The following TLE2 variants were observed in gnomAD, a reference collection of about 807,000 sequenced individuals.
TLE2 encodes TLE family member 2, transcriptional corepressor, also known as transducin-like enhancer protein 2.
TLE2 carries 74 observed loss-of-function variants against 97.2 expected under a neutral mutation model. That is an observed-to-expected ratio of 0.76 (90% CI 0.63 to 0.92). The LOEUF (loss-of-function observed/expected upper bound fraction) is 0.92, where lower values mean the gene tolerates loss of function less well. Among genes scored for constraint, TLE2 ranks in the 40% least tolerant of loss-of-function variants. The pLI is 0.00. For synonymous variants in TLE2, 499 were observed against 432.1 expected, an observed-to-expected ratio of 1.15 and a Z score of -1.92; for missense variants, 1,038 against 1,008.7, an observed-to-expected ratio of 1.03 and a Z score of -0.39.
At chr19:3,015,055 T>G (rs2089673248) in intron 9 of TLE2, among the ~76,000 whole-genome samples, 1 of 51,294 alleles carries the variant, frequency 1.9e-5, no homozygotes, top group Non-Finnish European at 3.7e-5. Flanking sequence ...TAAAATTCAT[T>G]GCCAAAAAAA....
At chr19:3,030,595 A>G (rs555754833), upstream of TLE2, among the ~76,000 whole-genome samples, 7 of 151,948 alleles carry the variant, frequency 4.6e-5, 1 homozygote, top group South Asian at 1.3e-3. Flanking sequence ...GGGTTACAAA[A>G]ACCCATTTTG....
Position 3,042,967 on chromosome 19 carries a change from T to C in TLE2, c.63+2759A>G, listed in dbSNP as rs140408991. On this transcript the variant is annotated intron_variant, in intron 1 of 18. Transcript: ENST00000426948. ...CAGGCAGGGGCGGTTTCAGCTCCCT[T>C]CTCTAGTTTTTAATTAATTTATTTT... 6.8e-3 allele frequency among the ~76,000 whole-genome samples: 1,038 copies of C among 152,086 alleles called. 15 individuals are homozygous for C. Among genetic ancestry groups the C allele is most frequent in the African/African-American group, 0.024 (988 of 41,476 alleles).
chr19:3,019,795 G>C lies in TLE2; in HGVS notation c.295-22C>G, dbSNP rs779015959. 6.2e-7 allele frequency: 1 copy of C among 1,606,776 alleles called. No individual in the cohort carries two copies. Among genetic ancestry groups the C allele is most frequent in the South Asian group, 1.1e-5 (1 of 89,710 alleles). On this transcript the variant is annotated intron_variant, in intron 5 of 19. Coordinates refer to ENST00000262953, the MANE Select transcript of TLE2 (RefSeq NM_003260.5). This position sits in a 1 kb window ranked among gnomAD's most constrained non-coding sequence, Gnocchi z 5.1. ...GATGCTGGCGGGTGGAAGGGATCAG[G>C]TAGAGGGTACATTGAGCCCCTGCTC... is the stretch of plus-strand genomic sequence containing the variant.
intron 3 of TLE2, 71 bp from the exon 4 acceptor site, chr19:3,027,944 G>C (rs1183706841): frequency 6.8e-7 from 1 of 1,477,046 alleles, no homozygotes; most frequent in East Asian, 2.4e-5. Context: ...GGTGATGCCA[G>C]GGTCTTCCAA....
rs770183764 is a variant in TLE2 at position 3,028,921 on chromosome 19, G to GC, written c.-18dup. 8.7e-6 allele frequency: 14 copies of GC among 1,609,148 alleles called. No individual in the cohort carries two copies. The highest frequency in any genetic ancestry group is 9.3e-6 in the Non-Finnish European group (11 of 1,179,030). ...GGGGTACATCCTGCCGATCCGAAAA[G>GC]CCCCCCAGGCGCCACCAGAGCTTGA... On this transcript the variant is annotated 5_prime_UTR_variant, in exon 1 of 20. Coordinates refer to ENST00000262953, the MANE Select transcript of TLE2 (RefSeq NM_003260.5).
intron 10 of TLE2, 76 bp downstream of exon 10, chr19:3,014,494 G>A: frequency 1.0e-5 from 14 of 1,355,502 alleles, no homozygotes; most frequent in South Asian, 1.7e-5. Flanking sequence ...CACTACCTCT[G>A]GGTCCTCCCA....
At chr19:3,031,029 C>T (rs1000474893), upstream of TLE2, among the ~76,000 whole-genome samples, 4 of 151,524 alleles carry the variant, frequency 2.6e-5, no homozygotes, top group African/African-American at 4.9e-5. Context: ...GCACCTATGA[C>T]GTGTCAGGCA....
At chr19:3,029,427 GGGCCGTTGGGGAAACTGA>G, upstream of TLE2, 1 of 872,564 alleles carries the variant, frequency 1.1e-6, no homozygotes, top group Non-Finnish European at 1.4e-6. Flanking sequence ...TTCAGTCCCT[GGGCCGTTGGGGAAACTGA>G]GGCCGGGTGG....
At chr19:3,039,678 G>A (rs1483705629) in intron 1 of TLE2, among the ~76,000 whole-genome samples, 1 of 152,176 alleles carries the variant, frequency 6.6e-6, no homozygotes, top group Non-Finnish European at 1.5e-5. Flanking sequence ...CGGCTACACT[G>A]TATTTATTGG....
chr19:3,016,658 T>C (rs2089712937), intron 8 of TLE2, among the ~76,000 whole-genome samples: 1 of 151,944 alleles, frequency 6.6e-6, no homozygotes, highest in Non-Finnish European at 1.5e-5. Flanking sequence ...GACATTTCTG[T>C]TGGGGAGCAC....
In TLE2 at chr19:3,028,398, A is replaced by AG; in HGVS notation, c.123-17dup. On this transcript the variant is annotated splice_polypyrimidine_tract_variant and intron_variant, in intron 2 of 19. Coordinates refer to ENST00000262953, the MANE Select transcript of TLE2 (RefSeq NM_003260.5). ...TAGCTTGAGGCTGAGAAGAAGAGAG[A>AG]GGGCAAGGGGCTCCCACCCGCCCCA... The AG allele has an allele frequency of 6.3e-7, 1 of 1,592,700 alleles. No homozygotes were observed.
In TLE2 at chr19:3,025,001, CA is replaced by C; in HGVS notation, c.294+18del. On this transcript the variant is annotated intron_variant, in intron 5 of 19. Coordinates refer to ENST00000262953, the MANE Select transcript of TLE2 (RefSeq NM_003260.5). ...TCCGGCTCCCTTCCCCTCCTCCCCC[CA>C]CCCCCAGGCCCACTCACCTCCTGGG... is the stretch of plus-strand genomic sequence containing the variant. 2.5e-6 allele frequency: 4 copies of C among 1,578,792 alleles called. No homozygotes were observed. The highest frequency in any genetic ancestry group is 1.8e-5 in the Admixed American group (1 of 55,102).
chr19:3,016,134 C>G (rs1472473999), intron 8 of TLE2, among the ~76,000 whole-genome samples: 1 of 151,806 alleles, frequency 6.6e-6, no homozygotes, highest in Non-Finnish European at 1.5e-5. Flanking sequence ...CAGGGTTTCG[C>G]CATGTTGGCC....
At chr19:3,041,928 G>GC (rs35474356) in intron 1 of TLE2, among the ~76,000 whole-genome samples, 1 of 151,784 alleles carries the variant, frequency 6.6e-6, no homozygotes, top group Non-Finnish European at 1.5e-5. Flanking sequence ...TTTGCGGGGG[G>GC]CCCCGAGTCC....
At chr19:3,015,811 T>G (rs917432109) in intron 8 of TLE2, 51 bp from the exon 9 acceptor site, 1 of 1,367,510 alleles carries the variant, frequency 7.3e-7, no homozygotes, top group African/African-American at 1.4e-5. Flanking sequence ...CCTGGGCTCC[T>G]AGATTGCATT....
chr19:3,043,764 C>T (rs1322700517), intron 1 of TLE2, among the ~76,000 whole-genome samples: 3 of 150,808 alleles, frequency 2.0e-5, no homozygotes, highest in Admixed American at 6.6e-5. Context: ...GAGCCAAGAT[C>T]GTGCCACTGC....
At chr19:3,035,888 G>A (rs2090058949) in intron 1 of TLE2, among the ~76,000 whole-genome samples, 1 of 152,008 alleles carries the variant, frequency 6.6e-6, no homozygotes, top group East Asian at 1.9e-4. Flanking sequence ...TGGAGGAGGG[G>A]GGGCTAAGGC....
chr19:3,018,524 C>G (rs553925114), intron 7 of TLE2, among the ~76,000 whole-genome samples: 1 of 152,114 alleles, frequency 6.6e-6, no homozygotes, highest in African/African-American at 2.4e-5. Context: ...AACTCCTGAC[C>G]TCAGGTGATC....
At chr19:3,022,017 G>A (rs2089854170) in intron 5 of TLE2, among the ~76,000 whole-genome samples, 3 of 151,782 alleles carry the variant, frequency 2.0e-5, no homozygotes, top group African/African-American at 7.3e-5. Flanking sequence ...ACCAGCCTGG[G>A]CAACATGGTG....
Sources: allele counts gnomAD v4.1 joint callset (sites outside exome capture counted in the v4.1 genomes callset), GRCh38; gene constraint gnomAD v4.1.1; non-coding constraint Gnocchi (gnomAD v3.1); transcripts MANE v1.5; gene names NCBI Gene and HGNC (gene_info 2026-07-23, HGNC 2026-07-21).